Variants in SNTG1 observed in about 807,000 individuals in gnomAD.
SNTG1 encodes the protein syntrophin gamma 1, also known as gamma-1-syntrophin.
Under a neutral mutation model 74.7 loss-of-function variants are expected in SNTG1, and 39 were observed. The ratio of observed to expected loss-of-function variants is 0.52; its 90% CI spans 0.40 to 0.68. SNTG1 has a LOEUF of 0.68. Among genes scored for constraint, SNTG1 ranks in the 30% least tolerant of loss-of-function variants. The pLI is 0.00. For synonymous variants in SNTG1, 254 were observed against 217.1 expected, an observed-to-expected ratio of 1.17 and a Z score of -1.49; for missense variants, 685 against 609.5, an observed-to-expected ratio of 1.12 and a Z score of -1.30.
intron 1 of SNTG1, among the ~76,000 whole-genome samples, chr8:49,929,201 TATTTTCAACTTATAA>T (rs1263952542): frequency 6.6e-6 from 1 of 152,228 alleles, no homozygotes; most frequent in Non-Finnish European, 1.5e-5. Context: ...TTAGAAATTT[TATTTTCAACTTATAA>T]ATTCCTAGAA....
chr8:50,112,095 A>G (rs1383424536), intron 1 of SNTG1, among the ~76,000 whole-genome samples: 1 of 152,168 alleles, frequency 6.6e-6, no homozygotes, highest in East Asian at 1.9e-4. Context: ...CAGAAAACAC[A>G]TGATTTTTTT....
chr8:49,957,324 C>G (rs1418338912), intron 1 of SNTG1, among the ~76,000 whole-genome samples: 1 of 152,182 alleles, frequency 6.6e-6, no homozygotes, highest in African/African-American at 2.4e-5. Context: ...CTATGACAGT[C>G]CTACATAGAG....
At chr8:50,753,626 A>C (rs1373552559) in intron 18 of SNTG1, among the ~76,000 whole-genome samples, 1 of 151,940 alleles carries the variant, frequency 6.6e-6, no homozygotes, top group Admixed American at 6.6e-5. Context: ...AATTAATTAT[A>C]CTGACAAGTA....
intron 11 of SNTG1, among the ~76,000 whole-genome samples, chr8:50,540,840 A>G (rs1464788506): frequency 6.6e-6 from 1 of 152,100 alleles, no homozygotes; most frequent in African/African-American, 2.4e-5. Flanking sequence ...ATATTCTTCT[A>G]TCCTATTCTT....
chr8:50,207,964 A>C (rs10088448), intron 2 of SNTG1, among the ~76,000 whole-genome samples: 65,505 of 151,964 alleles, frequency 0.43, 17,856 homozygotes, highest in African/African-American at 0.78. Flanking sequence ...TTTACATTTG[A>C]TGAGGAGTGC....
chr8:49,989,678 T>C (rs1177854916), intron 1 of SNTG1, among the ~76,000 whole-genome samples: 2 of 151,910 alleles, frequency 1.3e-5, no homozygotes, highest in East Asian at 3.9e-4. Flanking sequence ...TCTCTAGAAA[T>C]ATAGACACAA....
intron 12 of SNTG1, among the ~76,000 whole-genome samples, chr8:50,570,591 G>GTTGTTATTATTATTATTATTA (rs137977278): frequency 1.0e-4 from 13 of 130,162 alleles, no homozygotes; most frequent in African/African-American, 3.8e-4. Flanking sequence ...TATTATTGTT[G>GTTGTTATTATTATTATTATTA]TTATTATTAT....
intron 1 of SNTG1, among the ~76,000 whole-genome samples, chr8:50,030,533 G>C (rs991059637): frequency 6.6e-6 from 1 of 151,822 alleles, no homozygotes; most frequent in African/African-American, 2.4e-5. Flanking sequence ...ATGGTATAAG[G>C]TTTAATTATA....
intron 2 of SNTG1, among the ~76,000 whole-genome samples, chr8:50,307,550 T>G (rs1368874996): frequency 6.6e-6 from 1 of 152,130 alleles, no homozygotes; most frequent in Non-Finnish European, 1.5e-5. Context: ...AAGTATTTTA[T>G]TTATGAAATA....
intron 1 of SNTG1, among the ~76,000 whole-genome samples, chr8:49,981,375 C>T (rs1034719211): frequency 1.3e-5 from 2 of 152,142 alleles, no homozygotes; most frequent in East Asian, 3.9e-4. Flanking sequence ...AGAAATTTTA[C>T]CCATGGTTGC....
intron 18 of SNTG1, among the ~76,000 whole-genome samples, chr8:50,783,587 A>C (rs939649317): frequency 6.6e-6 from 1 of 152,176 alleles, no homozygotes. Context: ...CCGATTTTCC[A>C]GGTGCCATCT....
At chr8:50,413,818 A>G (rs1029386313) in intron 4 of SNTG1, among the ~76,000 whole-genome samples, 4 of 152,078 alleles carry the variant, frequency 2.6e-5, no homozygotes, top group Non-Finnish European at 5.9e-5. Context: ...TCAGTTCACT[A>G]TCTCTCTCTT....
chr8:49,917,660 A>G (rs1376938506), intron 1 of SNTG1, among the ~76,000 whole-genome samples: 2 of 152,154 alleles, frequency 1.3e-5, no homozygotes, highest in Non-Finnish European at 2.9e-5. Flanking sequence ...CCCATGCTTT[A>G]TATTCTCTTC....
At chr8:50,068,504 G>A (rs533078987) in intron 1 of SNTG1, among the ~76,000 whole-genome samples, 4 of 152,220 alleles carry the variant, frequency 2.6e-5, no homozygotes, top group East Asian at 1.9e-4. Flanking sequence ...TTGCGCTGCG[G>A]GAGGTAAAGC....
At chr8:50,216,301 G>A (rs1312044263) in intron 2 of SNTG1, among the ~76,000 whole-genome samples, 2 of 152,112 alleles carry the variant, frequency 1.3e-5, no homozygotes, top group Non-Finnish European at 2.9e-5. Context: ...CTAGTTCCAT[G>A]TGTTTTTATC....
intron 17 of SNTG1, among the ~76,000 whole-genome samples, chr8:50,712,772 G>A (rs772291943): frequency 6.6e-6 from 1 of 151,748 alleles, no homozygotes; most frequent in Non-Finnish European, 1.5e-5. Flanking sequence ...TTCTGTTCCT[G>A]TCTTAGTTTG....
intron 2 of SNTG1, among the ~76,000 whole-genome samples, chr8:50,220,703 G>A (rs1328655733): frequency 6.6e-6 from 1 of 152,146 alleles, no homozygotes; most frequent in Non-Finnish European, 1.5e-5. Context: ...AGTAGGAAGA[G>A]GGTTGTGGCC....
chr8:50,454,035 A>G (rs952805004), intron 8 of SNTG1, among the ~76,000 whole-genome samples: 2 of 152,230 alleles, frequency 1.3e-5, no homozygotes, highest in African/African-American at 4.8e-5. Context: ...TGTACCTCCA[A>G]GAGACCAAAG....
chr8:50,146,419 G>C (rs761747365), intron 1 of SNTG1, among the ~76,000 whole-genome samples: 23 of 152,312 alleles, frequency 1.5e-4, no homozygotes, highest in Non-Finnish European at 2.4e-4. Context: ...TTGGGAGGCT[G>C]AGACAGGAGA....
Sources: allele counts gnomAD v4.1 joint callset (sites outside exome capture counted in the v4.1 genomes callset), GRCh38; gene constraint gnomAD v4.1.1; transcripts MANE v1.5; gene names NCBI Gene and HGNC (gene_info 2026-07-23, HGNC 2026-07-21).